PKHD1: variants seen among roughly 807,000 people sequenced by gnomAD.
PKHD1 encodes PKHD1 ciliary IPT domain containing fibrocystin/polyductin.
Under a neutral mutation model 412.0 loss-of-function variants are expected in PKHD1, and 291 were observed. The ratio of observed to expected loss-of-function variants is 0.71; its 90% CI spans 0.64 to 0.78. The LOEUF is 0.78. Among genes scored for constraint, PKHD1 ranks in the 30% least tolerant of loss-of-function variants. PKHD1 has a pLI of 0.00. For synonymous variants in PKHD1, 1,777 were observed against 1,821.5 expected, an observed-to-expected ratio of 0.98 and a Z score of 0.62; for missense variants, 4,825 against 4,950.7, an observed-to-expected ratio of 0.97 and a Z score of 0.76.
At chr6:51,678,013 AT>A (rs1776117448) in intron 60 of PKHD1, among the ~76,000 whole-genome samples, 1 of 152,120 alleles carries the variant, frequency 6.6e-6, no homozygotes, top group African/African-American at 2.4e-5. Flanking sequence ...TATTTTCGTT[AT>A]TTTGTTGTAA....
intron 40 of PKHD1, 23 bp from the exon 41 acceptor site, chr6:51,906,363 A>G: frequency 6.3e-7 from 1 of 1,599,310 alleles, no homozygotes; most frequent in Non-Finnish European, 8.6e-7. Context: ...GAGTAAAGTA[A>G]AAATTAGATA....
rs561121398 is a variant in PKHD1 at position 51,825,002 on chromosome 6, C to T, written c.8302+5859G>A. ...AAAATAAAATAAAGAAACTAAAACC[C>T]TTTGAATAGTCTGTCTCCTGGTGTT... On this transcript the variant is annotated intron_variant, in intron 52 of 66. Coordinates refer to ENST00000371117, the MANE Select transcript of PKHD1 (RefSeq NM_138694.4). 4.6e-5 allele frequency among the ~76,000 whole-genome samples: 7 copies of T among 152,266 alleles called. 1 individual carries two copies. Among genetic ancestry groups the T allele is most frequent in the African/African-American group, 1.7e-4 (7 of 41,558 alleles).
intron 53 of PKHD1, among the ~76,000 whole-genome samples, chr6:51,777,680 A>G (rs932875502): frequency 8.1e-3 from 24 of 2,946 alleles, no homozygotes; most frequent in African/African-American, 0.031. Flanking sequence ...AGTCTTTGGG[A>G]AAAAAAAAAA....
chr6:51,670,286 G>A (rs530616061), intron 60 of PKHD1, among the ~76,000 whole-genome samples: 15 of 152,148 alleles, frequency 9.9e-5, no homozygotes, highest in African/African-American at 1.4e-4. Flanking sequence ...GAATTGATCC[G>A]TTTACCATTA....
intron 51 of PKHD1, among the ~76,000 whole-genome samples, chr6:51,834,531 T>C (rs763178792): frequency 5.3e-5 from 8 of 152,100 alleles, no homozygotes; most frequent in Non-Finnish European, 1.2e-4. Flanking sequence ...TTAACACAGA[T>C]AGATGTGTTA....
Position 52,072,159 on chromosome 6 carries a change from T to C in PKHD1, c.558A>G (p.Lys186=), listed in dbSNP as rs771960877. Residue 186 remains lysine, a synonymous_variant, in exon 8 of 67, where the codon AAA becomes AAG. Coordinates refer to ENST00000371117, the MANE Select transcript of PKHD1 (RefSeq NM_138694.4). ...SPVILEAQGD[K]WVTPCSLINR... The stretch of plus-strand genomic sequence containing the variant: ...TTATAAGAGAGCAAGGAGTAACCCA[T>C]TTGTCTCCTTGAGCTTCCAAGATCA... 3 of 1,609,984 alleles carry C rather than the reference T, an allele frequency of 1.9e-6. No homozygotes were observed. Among genetic ancestry groups the C allele is most frequent in the Non-Finnish European group, 2.6e-6 (3 of 1,176,356 alleles).
At position 52,022,194 on chromosome 6, in the gene PKHD1, CCACAATTTATATGAT is replaced by C. The variant is rs572752711; in HGVS notation, c.5380+592_5380+606del. 3.3e-4 allele frequency among the ~76,000 whole-genome samples: 51 copies of C among 152,300 alleles called. 2 individuals are homozygous for C. The East Asian group carries it at 9.1e-3, about 27-fold the overall frequency. On this transcript the variant is annotated intron_variant, in intron 33 of 66. Coordinates refer to ENST00000371117, the MANE Select transcript of PKHD1 (RefSeq NM_138694.4). ...CCCCACAAAGACACGGCTTCTCATACCACAATTTATATGATCACTACGCAGCTTAAAGTAGTGAGC... is the reference window on the plus strand; with the variant it reads ...CCCCACAAAGACACGGCTTCTCATACCACTACGCAGCTTAAAGTAGTGAGC...
intron 60 of PKHD1, among the ~76,000 whole-genome samples, chr6:51,685,603 A>G (rs981914661): frequency 6.6e-6 from 1 of 152,142 alleles, no homozygotes; most frequent in Non-Finnish European, 1.5e-5. Flanking sequence ...CTCACCATCC[A>G]GAGGTCCTAG....
intron 52 of PKHD1, among the ~76,000 whole-genome samples, chr6:51,814,788 C>A (rs1732115619): frequency 6.6e-6 from 1 of 152,108 alleles, no homozygotes; most frequent in Non-Finnish European, 1.5e-5. Context: ...CCAGGGGAGA[C>A]AGGAAATGAG....
chr6:51,950,220 A>AAAAAAAAAAAAAAAAAAAAATAT, intron 36 of PKHD1, among the ~76,000 whole-genome samples: 2 of 98,324 alleles, frequency 2.0e-5, no homozygotes, highest in African/African-American at 7.6e-5. Context: ...GAAAAAAAAA[A>AAAAAAAAAAAAAAAAAAAAATAT]ATATATATAT....
At chr6:51,956,411 T>C (rs576691990) in intron 36 of PKHD1, among the ~76,000 whole-genome samples, 96 of 152,080 alleles carry the variant, frequency 6.3e-4, no homozygotes, top group African/African-American at 2.3e-3. Flanking sequence ...GTTTAAAATA[T>C]ACACTTCTTA....
At chr6:51,968,101 C>T (rs948562053) in intron 35 of PKHD1, among the ~76,000 whole-genome samples, 6 of 151,900 alleles carry the variant, frequency 3.9e-5, no homozygotes, top group African/African-American at 1.5e-4. Context: ...AGGAAGAAGC[C>T]CAGAGAATGA....
intron 60 of PKHD1, among the ~76,000 whole-genome samples, chr6:51,663,738 CAAT>C (rs1424549596): frequency 6.6e-6 from 1 of 152,136 alleles, no homozygotes; most frequent in African/African-American, 2.4e-5. Flanking sequence ...CTCAGCATAA[CAAT>C]AATAATTGAG....
At chr6:51,950,622 G>C (rs1016690809) in intron 36 of PKHD1, among the ~76,000 whole-genome samples, 1 of 152,116 alleles carries the variant, frequency 6.6e-6, no homozygotes, top group African/African-American at 2.4e-5. Flanking sequence ...GTTTGTATAA[G>C]TTACCAGGTG....
At position 51,851,570 on chromosome 6, in the gene PKHD1, C is replaced by T. The variant is rs144256182; in HGVS notation, c.7912-3600G>A. Among the ~76,000 whole-genome samples the T allele has an allele frequency of 5.1e-4, 78 of 152,096 alleles. No homozygotes were observed. The Middle Eastern group carries it at 0.014, about 27-fold the overall frequency. On this transcript the variant is annotated intron_variant, in intron 49 of 66. Coordinates refer to ENST00000371117, the MANE Select transcript of PKHD1 (RefSeq NM_138694.4). ...AGGCTATTAATTAGGCTATTAATTACTGCCTCAATTTCAAGGCTTGTTATT... is the reference window on the plus strand; with the variant it reads ...AGGCTATTAATTAGGCTATTAATTATTGCCTCAATTTCAAGGCTTGTTATT...
chr6:52,031,683 A>G (rs1803055453), intron 29 of PKHD1, among the ~76,000 whole-genome samples: 1 of 152,090 alleles, frequency 6.6e-6, no homozygotes, highest in African/African-American at 2.4e-5. Context: ...TTTTCATTTC[A>G]TCTCAGCCTC....
intron 35 of PKHD1, among the ~76,000 whole-genome samples, chr6:51,963,669 G>A (rs1474874859): frequency 6.6e-6 from 1 of 151,946 alleles, no homozygotes; most frequent in Non-Finnish European, 1.5e-5. Context: ...AAACAGTGAG[G>A]ATGGCTCACC....
At chr6:52,000,750 C>T (rs968428137) in intron 35 of PKHD1, among the ~76,000 whole-genome samples, 4 of 152,140 alleles carry the variant, frequency 2.6e-5, no homozygotes, top group African/African-American at 9.7e-5. Context: ...AATTTAAACA[C>T]ATTGTAAAGA....
rs539910506 is a variant in PKHD1 at position 51,936,514 on chromosome 6, G to C, written c.5909-2192C>G. On this transcript the variant is annotated intron_variant, in intron 36 of 66. Transcript: ENST00000371117. ...TTTCCAGAAATCACAGCTGGAAGTA[G>C]TTAAACATGCACTGGAGAAATGAGA... 1.2e-4 allele frequency among the ~76,000 whole-genome samples: 18 copies of C among 152,324 alleles called. No individual in the cohort carries two copies. The South Asian group carries it at 2.7e-3, about 23-fold the overall frequency.
Sources: allele counts gnomAD v4.1 joint callset (sites outside exome capture counted in the v4.1 genomes callset), GRCh38; gene constraint gnomAD v4.1.1; transcripts MANE v1.5; gene names NCBI Gene and HGNC (gene_info 2026-07-23, HGNC 2026-07-21).